Variants in PRDM6 observed in about 807,000 individuals in gnomAD.
PRDM6 encodes the protein putative histone-lysine N-methyltransferase PRDM6.
Under a neutral mutation model 60.8 loss-of-function variants are expected in PRDM6, and 25 were observed. The ratio of observed to expected loss-of-function variants is 0.41; its 90% confidence interval spans 0.30 to 0.57. PRDM6 has a LOEUF of 0.57. Among genes scored for constraint, PRDM6 ranks in the 20% least tolerant of loss-of-function variants. The probability of loss-of-function intolerance (pLI) is 0.27; values close to 1 mark genes in which losing one functional copy is unlikely to be tolerated. For missense variants in PRDM6, 839 were observed against 821.3 expected, an observed-to-expected ratio of 1.02 and a Z score of -0.26; for synonymous variants, 407 against 357.4, an observed-to-expected ratio of 1.14 and a Z score of -1.57.
chr5:123,154,795 C>A (rs509256), intron 3 of PRDM6, among the ~76,000 whole-genome samples: 111,035 of 152,054 alleles, frequency 0.73, 40,693 homozygotes, highest in Non-Finnish European at 0.75. Context: ...TAGCTACCAG[C>A]AGAAGGATCC....
chr5:123,165,466 C>T (rs942197821), intron 5 of PRDM6, among the ~76,000 whole-genome samples: 1 of 152,202 alleles, frequency 6.6e-6, no homozygotes, highest in African/African-American at 2.4e-5. Flanking sequence ...TGGCTTGGAC[C>T]CCTGCAGTAG....
chr5:123,187,045 G>T (rs1426888651), intron 7 of PRDM6, 42 bp from the exon 8 acceptor site: 3 of 1,435,438 alleles, frequency 2.1e-6, no homozygotes, highest in Non-Finnish European at 1.9e-6. Flanking sequence ...CACCCTGCAG[G>T]CCCCGCTCCC....
chr5:123,139,862 A>G (rs927847907), intron 3 of PRDM6, among the ~76,000 whole-genome samples: 4 of 152,096 alleles, frequency 2.6e-5, no homozygotes, highest in African/African-American at 4.8e-5. Flanking sequence ...GTGATGTGGG[A>G]GTACGACCTG....
intron 2 of PRDM6, among the ~76,000 whole-genome samples, chr5:123,094,716 C>G (rs1470322561): frequency 6.6e-6 from 1 of 152,086 alleles, no homozygotes; most frequent in South Asian, 2.1e-4. Context: ...TGGAGCCAGC[C>G]CAGACCCGCT....
chr5:123,108,250 T>C (rs1253269086), intron 3 of PRDM6, among the ~76,000 whole-genome samples: 2 of 152,216 alleles, frequency 1.3e-5, no homozygotes, highest in African/African-American at 4.8e-5. Flanking sequence ...ACATCCAGTG[T>C]AATCTAATTC....
chr5:123,124,525 C>A (rs1283109823), intron 3 of PRDM6, among the ~76,000 whole-genome samples: 15 of 152,212 alleles, frequency 9.9e-5, no homozygotes, highest in Non-Finnish European at 2.1e-4. Flanking sequence ...CCCAACTTAG[C>A]ACTGGCATTA....
At chr5:123,159,446 T>C in intron 4 of PRDM6, 68 bp from the exon 5 acceptor site, 5 of 1,511,294 alleles carry the variant, frequency 3.3e-6, no homozygotes, top group Non-Finnish European at 4.4e-6. Context: ...TTCAGGGCAA[T>C]AAAAATATGG....
chr5:123,135,009 C>T (rs1424945354), intron 3 of PRDM6, among the ~76,000 whole-genome samples: 1 of 100,120 alleles, frequency 1.0e-5, no homozygotes, highest in Non-Finnish European at 2.3e-5. Context: ...AAAAAAAAAC[C>T]CAAGTCACTG....
In PRDM6 at chr5:123,090,369, T is replaced by C; in HGVS notation, c.355T>C (p.Phe119Leu). ...CCTGCCGGTGTCGCAGCTGCCGGTG[T>C]TCGCGCCTCTAGCCGCCGCTGCCGT... ...SALPVSQLPV[F>L]APLAAAAVAA... Residue 119 changes from phenylalanine to leucine, a missense_variant, in exon 2 of 8, where the codon TTC becomes CTC. By Grantham distance (22) the Phe-to-Leu change is conservative (BLOSUM62 0). Coordinates refer to ENST00000407847, the MANE Select transcript of PRDM6 (RefSeq NM_001136239.4). 6.8e-7 allele frequency: 1 copy of C among 1,470,866 alleles called. No individual in the cohort carries two copies. The highest frequency in any genetic ancestry group is 9.0e-7 in the Non-Finnish European group (1 of 1,116,560). The allele number at this position is 1,470,866 out of a possible 1,614,324, so 91.1% of individuals were successfully genotyped here.
At position 123,099,043 on chromosome 5, in the gene PRDM6, C is replaced by G. The variant is rs932050038; in HGVS notation, c.593-611C>G. Among the ~76,000 whole-genome samples, 5 of 149,786 alleles carry G rather than the reference C, an allele frequency of 3.3e-5. No homozygotes were observed. The highest frequency in any genetic ancestry group is 1.2e-4 in the African/African-American group (5 of 40,518). Reference sequence around the variant, plus strand: ...GGTCGAAGGAAGTGCGAATGGCACCCGCGATAGACTGGCCGTCTCCCCCAC... The same window carrying G: ...GGTCGAAGGAAGTGCGAATGGCACCGGCGATAGACTGGCCGTCTCCCCCAC... On this transcript the variant is annotated intron_variant, in intron 2 of 7. Coordinates refer to ENST00000407847, the MANE Select transcript of PRDM6 (RefSeq NM_001136239.4). The surrounding 1 kb of genome is among the most constrained non-coding windows in gnomAD (Gnocchi z 4.0).
chr5:123,163,875 A>G (rs1318617159), intron 5 of PRDM6, among the ~76,000 whole-genome samples: 1 of 152,180 alleles, frequency 6.6e-6, no homozygotes, highest in Non-Finnish European at 1.5e-5. Context: ...GAGTTGCTGC[A>G]CTGGAGTAAA....
intron 2 of PRDM6, among the ~76,000 whole-genome samples, chr5:123,094,442 C>T (rs1217672023): frequency 6.6e-6 from 1 of 151,740 alleles, no homozygotes; most frequent in East Asian, 1.9e-4. Context: ...TTCTCTCTCT[C>T]TCTCTCTCTC....
intron 5 of PRDM6, among the ~76,000 whole-genome samples, chr5:123,169,948 T>C (rs896485436): frequency 6.6e-6 from 1 of 152,184 alleles, no homozygotes; most frequent in East Asian, 1.9e-4. Context: ...TGCCTCCTAC[T>C]CTTTCCTTAT....
At chr5:123,166,693 T>C (rs1765760416) in intron 5 of PRDM6, among the ~76,000 whole-genome samples, 1 of 152,226 alleles carries the variant, frequency 6.6e-6, no homozygotes, top group Non-Finnish European at 1.5e-5. Flanking sequence ...AGGCATGTAA[T>C]AGATGCTCAG....
chr5:123,113,070 G>T (rs1232592842), intron 3 of PRDM6, among the ~76,000 whole-genome samples: 1 of 152,050 alleles, frequency 6.6e-6, no homozygotes, highest in East Asian at 1.9e-4. Flanking sequence ...ATTGAAGGAC[G>T]TTAGTGCAGA....
intron 3 of PRDM6, among the ~76,000 whole-genome samples, chr5:123,109,557 A>C (rs1764262212): frequency 6.6e-6 from 1 of 152,168 alleles, no homozygotes; most frequent in South Asian, 2.1e-4. Flanking sequence ...AAGTTTAAGT[A>C]ATATTTCAGT....
At chr5:123,184,184 A>G (rs1766230569) in intron 7 of PRDM6, among the ~76,000 whole-genome samples, 1 of 152,200 alleles carries the variant, frequency 6.6e-6, no homozygotes, top group African/African-American at 2.4e-5. Context: ...TTTGTGGCAT[A>G]TCATAGAGGC....
intron 3 of PRDM6, among the ~76,000 whole-genome samples, chr5:123,129,336 TA>T (rs1447548935): frequency 4.6e-5 from 7 of 152,216 alleles, no homozygotes; most frequent in African/African-American, 1.7e-4. Flanking sequence ...GCATTGAATC[TA>T]TATATTACCT....
chr5:123,142,690 C>T (rs952667588), intron 3 of PRDM6, among the ~76,000 whole-genome samples: 1 of 151,824 alleles, frequency 6.6e-6, no homozygotes, highest in African/African-American at 2.4e-5. Flanking sequence ...TTGAGCAGCC[C>T]AGTGTAATCT....
Sources: gnomAD v4.1 joint callset for allele counts (sites outside exome capture counted in the v4.1 genomes callset) on GRCh38, gnomAD v4.1.1 for gene constraint, Gnocchi (gnomAD v3.1) non-coding constraint, MANE v1.5 for transcripts, NCBI Gene and HGNC (gene_info 2026-07-23, HGNC 2026-07-21) for gene names.